Variants in EYS observed in about 807,000 individuals in gnomAD.
The protein encoded by EYS is protein eyes shut homolog.
In EYS, 250 loss-of-function variants were observed where a neutral mutation model predicts 282.1. The ratio of observed to expected loss-of-function variants is 0.89; its 90% CI spans 0.80 to 0.98. The LOEUF is 0.98. EYS is among the 50% of genes least tolerant of loss of function. The pLI is 0.00. For missense variants in EYS, 4,016 were observed against 3,709.0 expected (o/e 1.08, Z -2.15); for synonymous variants, 1,355 against 1,282.9 (o/e 1.06, Z -1.20).
intron 33 of EYS, among the ~76,000 whole-genome samples, chr6:64,045,116 T>A (rs1046424975): frequency 6.6e-6 from 1 of 152,166 alleles, no homozygotes; most frequent in African/African-American, 2.4e-5. Flanking sequence ...AACATTGCTT[T>A]CAGCCAGCAG....
intron 26 of EYS, among the ~76,000 whole-genome samples, chr6:64,545,849 C>A (rs1473564024): frequency 6.6e-6 from 1 of 152,084 alleles, no homozygotes; most frequent in African/African-American, 2.4e-5. Context: ...GAACTATAAA[C>A]CACTGCTCAA....
At chr6:65,478,646 C>T (rs1024609551) in intron 5 of EYS, among the ~76,000 whole-genome samples, 7 of 152,088 alleles carry the variant, frequency 4.6e-5, no homozygotes, top group Non-Finnish European at 8.8e-5. Context: ...GACCACTTTA[C>T]AAGAAATTGA....
intron 30 of EYS, among the ~76,000 whole-genome samples, chr6:64,290,195 C>A (rs549244100): frequency 1.3e-5 from 2 of 152,144 alleles, no homozygotes; most frequent in African/African-American, 4.8e-5. Flanking sequence ...GTTATGGCAA[C>A]CAAGGAAGTA....
At chr6:63,741,569 C>T (rs1769076482) in intron 41 of EYS, among the ~76,000 whole-genome samples, 1 of 152,166 alleles carries the variant, frequency 6.6e-6, no homozygotes. Context: ...AAGGATTTGT[C>T]ACAATTTATT....
At chr6:64,938,660 T>C (rs1405517332) in intron 15 of EYS, among the ~76,000 whole-genome samples, 1 of 151,640 alleles carries the variant, frequency 6.6e-6, no homozygotes, top group East Asian at 1.9e-4. Context: ...AATAATTTAT[T>C]ATAAAATAGG....
At chr6:64,660,043 C>T (rs188395942) in intron 22 of EYS, among the ~76,000 whole-genome samples, 1 of 152,296 alleles carries the variant, frequency 6.6e-6, no homozygotes, top group Admixed American at 6.5e-5. Context: ...CCACTATGAT[C>T]AAGCAGGCTT....
At chr6:64,300,036 C>A (rs1769178769) in intron 30 of EYS, among the ~76,000 whole-genome samples, 2 of 152,260 alleles carry the variant, frequency 1.3e-5, no homozygotes, top group South Asian at 4.2e-4. Flanking sequence ...GGGAAAAAGA[C>A]AAGGGATACC....
At chr6:64,046,363 TTC>T (rs1247571776) in intron 33 of EYS, among the ~76,000 whole-genome samples, 20 of 150,224 alleles carry the variant, frequency 1.3e-4, no homozygotes, top group Admixed American at 1.3e-4. Flanking sequence ...ATTTATCTGT[TTC>T]TCTCTCTCTC....
At chr6:65,570,321 G>A (rs1764434826) in intron 2 of EYS, among the ~76,000 whole-genome samples, 1 of 152,120 alleles carries the variant, frequency 6.6e-6, no homozygotes, top group Non-Finnish European at 1.5e-5. Flanking sequence ...AATAGCCTAT[G>A]CAGAAAACAT....
chr6:64,976,371 T>TA lies in EYS; in HGVS notation c.2259+21210dup, dbSNP rs796473066. Reference sequence around the variant, plus strand: ...GTGTTTGGTTTATTCAGGCTGCTATTAAAAAAAAAAACATGAACTAAGTGG... The same window carrying TA: ...GTGTTTGGTTTATTCAGGCTGCTATTAAAAAAAAAAAACATGAACTAAGTGG... On this transcript the variant is annotated intron_variant, in intron 14 of 42. Transcript: ENST00000503581. Among the ~76,000 whole-genome samples, 307 of 145,948 alleles carry TA rather than the reference T, an allele frequency of 2.1e-3. 2 individuals are homozygous for TA. The highest frequency in any genetic ancestry group is 5.5e-3 in the African/African-American group (220 of 40,192).
chr6:64,311,384 G>C (rs919115011), intron 29 of EYS, among the ~76,000 whole-genome samples: 1 of 152,026 alleles, frequency 6.6e-6, no homozygotes, highest in Non-Finnish European at 1.5e-5. Flanking sequence ...CCATTGCATG[G>C]TATCTTCATT....
At chr6:65,009,082 C>T (rs568516856) in intron 13 of EYS, among the ~76,000 whole-genome samples, 8 of 152,230 alleles carry the variant, frequency 5.3e-5, no homozygotes, top group Non-Finnish European at 1.0e-4. Flanking sequence ...AAGGAACACC[C>T]GTTGGTTGTC....
chr6:65,109,468 A>G (rs1207512454), intron 12 of EYS, among the ~76,000 whole-genome samples: 1 of 151,966 alleles, frequency 6.6e-6, no homozygotes, highest in African/African-American at 2.4e-5. Flanking sequence ...TAGCTCCTAT[A>G]TTATTTCATA....
At chr6:64,516,588 G>A (rs1000300065) in intron 26 of EYS, among the ~76,000 whole-genome samples, 4 of 74,122 alleles carry the variant, frequency 5.4e-5, no homozygotes, top group Admixed American at 1.4e-4. Flanking sequence ...TTGAAGTTGA[G>A]TCTGAAGTTG....
At chr6:63,952,291 C>T (rs532188476) in intron 35 of EYS, among the ~76,000 whole-genome samples, 12 of 152,298 alleles carry the variant, frequency 7.9e-5, no homozygotes, top group African/African-American at 2.2e-4. Flanking sequence ...CCAACTCACC[C>T]GGCAGCCACT....
intron 12 of EYS, among the ~76,000 whole-genome samples, chr6:65,069,223 C>G (rs577570161): frequency 1.3e-5 from 2 of 152,100 alleles, no homozygotes; most frequent in African/African-American, 4.8e-5. Context: ...CTTTGATCGG[C>G]ATTTAAAACT....
intron 2 of EYS, among the ~76,000 whole-genome samples, chr6:65,611,404 AT>A (rs1765994885): frequency 6.6e-6 from 1 of 152,048 alleles, no homozygotes; most frequent in East Asian, 1.9e-4. Flanking sequence ...TTCAGTATGA[AT>A]ATAATATGGG....
chr6:63,859,069 T>G (rs1772465683), intron 36 of EYS, among the ~76,000 whole-genome samples: 1 of 131,812 alleles, frequency 7.6e-6, no homozygotes, highest in Non-Finnish European at 1.6e-5. Context: ...ATTGATGTCC[T>G]AGAGAGTTTT....
chr6:65,489,479 G>A (rs1765944507), intron 5 of EYS: 1 of 152,158 alleles, frequency 6.6e-6, no homozygotes, highest in Non-Finnish European at 1.5e-5. Context: ...GGAAACAACA[G>A]ATGCTAGAGA....
Sources: gnomAD v4.1 joint callset for allele counts (sites outside exome capture counted in the v4.1 genomes callset) on GRCh38, gnomAD v4.1.1 for gene constraint, MANE v1.5 for transcripts, NCBI Gene and HGNC (gene_info 2026-07-23, HGNC 2026-07-21) for gene names.